Variants in KCNQ5 observed in about 807,000 individuals in gnomAD.
KCNQ5 encodes the protein potassium voltage-gated channel subfamily Q member 5, also known as potassium voltage-gated channel subfamily KQT member 5.
In KCNQ5, 30 loss-of-function variants were observed where a neutral mutation model predicts 98.2. That is an observed-to-expected ratio of 0.31 (90% CI 0.23 to 0.41). KCNQ5 has a LOEUF of 0.41. KCNQ5 is among the 10% of genes least tolerant of loss of function. The probability of loss-of-function intolerance (pLI) is 1.00; values close to 1 mark genes in which losing one functional copy is unlikely to be tolerated. For synonymous variants in KCNQ5, 458 were observed against 449.4 expected, an observed-to-expected ratio of 1.02 and a Z score of -0.24; for missense variants, 835 against 1,182.5, an observed-to-expected ratio of 0.71 and a Z score of 4.31.
intron 1 of KCNQ5, among the ~76,000 whole-genome samples, chr6:72,691,667 C>G (rs10943055): frequency 0.13 from 19,468 of 152,118 alleles, 1,344 homozygotes; most frequent in South Asian, 0.19. Context: ...ACTATAATCA[C>G]TTTTTTGGTA....
At chr6:73,058,067 G>C (rs1027718108) in intron 3 of KCNQ5, among the ~76,000 whole-genome samples, 1 of 152,144 alleles carries the variant, frequency 6.6e-6, no homozygotes, top group African/African-American at 2.4e-5. Context: ...TGGACCCCTT[G>C]TTTATACCAT....
chr6:73,070,434 A>G (rs1315370386), intron 3 of KCNQ5, among the ~76,000 whole-genome samples: 3 of 152,216 alleles, frequency 2.0e-5, no homozygotes, highest in South Asian at 2.1e-4. Flanking sequence ...TAATGATTGT[A>G]TAAGTTAGAG....
At chr6:72,900,815 C>G (rs915716142) in intron 1 of KCNQ5, among the ~76,000 whole-genome samples, 1 of 151,934 alleles carries the variant, frequency 6.6e-6, no homozygotes, top group African/African-American at 2.4e-5. Context: ...CCAACACCTA[C>G]TGTTTTTTTT....
intron 1 of KCNQ5, among the ~76,000 whole-genome samples, chr6:72,753,561 C>T (rs755100724): frequency 1.5e-4 from 23 of 152,150 alleles, no homozygotes; most frequent in African/African-American, 3.6e-4. Context: ...TTCAGTAATG[C>T]GTGAGTTTCA....
chr6:72,736,580 A>G lies in KCNQ5; in HGVS notation c.398+113993A>G, dbSNP rs973370032. ...AGTGGCGGGATCTCGGCTCACTGCA[A>G]GCTCCGCCTCCCGGGTTCACGCCAT... On this transcript the variant is annotated intron_variant, in intron 1 of 13. Coordinates refer to ENST00000370398, the MANE Select transcript of KCNQ5 (RefSeq NM_019842.4). Among the ~76,000 whole-genome samples the G allele has an allele frequency of 5.7e-5, 8 of 139,290 alleles. 1 individual carries two copies. The highest frequency in any genetic ancestry group is 4.6e-4 in the Admixed American group (6 of 12,966). 91.4% of individuals were successfully genotyped at this position (139,290 alleles called of 152,430 possible).
chr6:72,875,650 T>G (rs1009617871), intron 1 of KCNQ5, among the ~76,000 whole-genome samples: 2 of 152,146 alleles, frequency 1.3e-5, no homozygotes, highest in Non-Finnish European at 2.9e-5. Flanking sequence ...ATCTTCCCAG[T>G]AAATCTATTT....
chr6:72,689,270 C>G (rs1225584552), intron 1 of KCNQ5, among the ~76,000 whole-genome samples: 2 of 152,190 alleles, frequency 1.3e-5, no homozygotes, highest in Non-Finnish European at 2.9e-5. Flanking sequence ...GGGGCAGTGA[C>G]TAAGGGACTT....
intron 1 of KCNQ5, among the ~76,000 whole-genome samples, chr6:72,954,936 C>A (rs1766974887): frequency 6.6e-6 from 1 of 152,202 alleles, no homozygotes; most frequent in Admixed American, 6.5e-5. Flanking sequence ...GTCTTGTCAG[C>A]TGTTACTACC....
intron 1 of KCNQ5, among the ~76,000 whole-genome samples, chr6:72,667,322 A>G (rs952235928): frequency 6.6e-6 from 1 of 152,150 alleles, no homozygotes; most frequent in African/African-American, 2.4e-5. Flanking sequence ...TAAGCCTCCT[A>G]TTGTACTTGT....
intron 2 of KCNQ5, among the ~76,000 whole-genome samples, chr6:73,038,503 G>T (rs1771540042): frequency 6.6e-6 from 1 of 151,990 alleles, no homozygotes; most frequent in South Asian, 2.1e-4. Context: ...TGTTAAGTTT[G>T]TTGTAAATGC....
chr6:73,083,040 G>GCCAC (rs896774706), intron 5 of KCNQ5, among the ~76,000 whole-genome samples: 8 of 152,116 alleles, frequency 5.3e-5, no homozygotes, highest in African/African-American at 1.9e-4. Flanking sequence ...CCAGGCACAT[G>GCCAC]CCACCATGCC....
At chr6:72,871,461 C>A (rs895753388) in intron 1 of KCNQ5, among the ~76,000 whole-genome samples, 10 of 152,084 alleles carry the variant, frequency 6.6e-5, no homozygotes, top group Non-Finnish European at 4.4e-5. Flanking sequence ...CCAACTCTTT[C>A]ATCATTTAAT....
chr6:72,974,243 G>A (rs2150288165), intron 1 of KCNQ5, among the ~76,000 whole-genome samples: 1 of 152,298 alleles, frequency 6.6e-6, no homozygotes, highest in African/African-American at 2.4e-5. Context: ...CAACTGCAGT[G>A]CTGAGTAGCT....
chr6:73,055,555 G>A lies in KCNQ5; in HGVS notation c.616+13493G>A, dbSNP rs1772446447. On this transcript the variant is annotated intron_variant, in intron 3 of 13. Transcript: ENST00000370398. ...ATCACCTACCCTCCTGTGAGAGTCT[G>A]AAGGACACTATTGCCAGAGCTCTGC... The A allele has an allele frequency of 2.8e-6, 4 of 1,441,606 alleles. No individual in the cohort carries two copies. The East Asian group carries it at 9.1e-5, about 33-fold the overall frequency. The allele number at this position is 1,441,606 out of a possible 1,614,324, so 89.3% of individuals were successfully genotyped here.
At chr6:72,969,272 A>G (rs928401154) in intron 1 of KCNQ5, among the ~76,000 whole-genome samples, 12 of 152,218 alleles carry the variant, frequency 7.9e-5, no homozygotes, top group Admixed American at 2.0e-4. Flanking sequence ...AGATTTTTTG[A>G]ATCTTGGAAG....
At chr6:73,003,215 T>C (rs1330798291) in intron 1 of KCNQ5, among the ~76,000 whole-genome samples, 1 of 152,164 alleles carries the variant, frequency 6.6e-6, no homozygotes, top group African/African-American at 2.4e-5. Context: ...GATTAATTGG[T>C]AGACAATGCC....
chr6:73,157,568 G>A, intron 10 of KCNQ5: 1 of 761,168 alleles, frequency 1.3e-6, no homozygotes, highest in Non-Finnish European at 2.4e-6. Flanking sequence ...CAGAGGAAGG[G>A]AACCAGCGCA....
intron 3 of KCNQ5, among the ~76,000 whole-genome samples, chr6:73,075,268 G>A (rs1199570260): frequency 2.0e-5 from 3 of 150,176 alleles, no homozygotes; most frequent in Non-Finnish European, 4.4e-5. Flanking sequence ...CTGTCGCTAG[G>A]CTGGAGTGCA....
chr6:72,807,792 C>A (rs1237867752), intron 1 of KCNQ5, among the ~76,000 whole-genome samples: 1 of 152,122 alleles, frequency 6.6e-6, no homozygotes, highest in Admixed American at 6.6e-5. Flanking sequence ...CGCCTCCACA[C>A]CTGGCCTAGA....
Sources: allele counts gnomAD v4.1 joint callset (sites outside exome capture counted in the v4.1 genomes callset), GRCh38; gene constraint gnomAD v4.1.1; transcripts MANE v1.5; gene names NCBI Gene and HGNC (gene_info 2026-07-23, HGNC 2026-07-21).